ACRBP: variants seen among roughly 807,000 people sequenced by gnomAD.
ACRBP encodes acrosin-binding protein.
ACRBP carries 52 observed loss-of-function variants against 69.0 expected under a neutral mutation model. The observed-to-expected ratio is 0.75, with a 90% CI of 0.60 to 0.95. The LOEUF (loss-of-function observed/expected upper bound fraction) is 0.95, where lower values mean the gene tolerates loss of function less well. Among genes scored for constraint, ACRBP ranks in the 40% least tolerant of loss-of-function variants. ACRBP has a pLI of 0.00. For synonymous variants in ACRBP, 267 were observed against 258.9 expected, an observed-to-expected ratio of 1.03 and a Z score of -0.30; for missense variants, 604 against 673.0, an observed-to-expected ratio of 0.90 and a Z score of 1.13.
At chr12:6,645,810 G>A (rs1430472652) in intron 3 of ACRBP, among the ~76,000 whole-genome samples, 7 of 143,886 alleles carry the variant, frequency 4.9e-5, no homozygotes, top group Admixed American at 1.4e-4. Flanking sequence ...ACAGGCGCCT[G>A]CCACCACGCC....
At chr12:6,647,253 A>G in intron 1 of ACRBP, 71 bp downstream of exon 1, 5 of 1,496,020 alleles carry the variant, frequency 3.3e-6, no homozygotes, top group Non-Finnish European at 4.5e-6. Flanking sequence ...CAGAAACCGT[A>G]AAAGCAGAGC....
chr12:6,646,476 G>A lies in ACRBP; in HGVS notation c.357+7C>T, dbSNP rs1292157704. The A allele has an allele frequency of 1.9e-6, 3 of 1,613,374 alleles. No individual in the cohort carries two copies. The highest frequency in any genetic ancestry group is 2.7e-5 in the African/African-American group (2 of 74,866). On this transcript the variant is annotated splice_region_variant and intron_variant, in intron 3 of 9. Coordinates refer to ENST00000229243, the MANE Select transcript of ACRBP (RefSeq NM_032489.3). Reference sequence around the variant, plus strand: ...GCACCAAATCCAACCTTTGTCCTGGGCCTCACCTTGGCATAGTAGACGTGG... The same window carrying A: ...GCACCAAATCCAACCTTTGTCCTGGACCTCACCTTGGCATAGTAGACGTGG...
At chr12:6,643,708 G>C in intron 5 of ACRBP, 37 bp from the exon 6 acceptor site, 4 of 1,604,430 alleles carry the variant, frequency 2.5e-6, no homozygotes, top group South Asian at 1.1e-5. Context: ...GGCTGGGCCA[G>C]GTGGCCCGGG....
rs368916897 is a variant in ACRBP, at chr12:6,646,993, T to C, written c.63A>G (p.Ala21=). The change falls in exon 2 of 10, where the codon GCA becomes GCG. Residue 21 remains alanine (A), a synonymous_variant. Coordinates refer to ENST00000229243, the MANE Select transcript of ACRBP (RefSeq NM_032489.3). ...GAGTCGAATCCTGGGCTGCGGCAGG[T>C]GCCAGAGGCAGGAGCAGCACTGCGG... is the stretch of plus-strand genomic sequence containing the variant. ...SLLKVLLLPL[A]PAAAQDSTQA... is the part of the protein sequence containing the mutation. 2.5e-6 allele frequency: 4 copies of C among 1,610,236 alleles called. No homozygotes were observed. The highest frequency in any genetic ancestry group is 3.4e-6 in the Non-Finnish European group (4 of 1,179,808).
In ACRBP at chr12:6,640,447, A is replaced by C; in HGVS notation, c.1153T>G (p.Cys385Gly). ...CGCTGCAGGCTGGCCTCTGAGTGGC[A>C]CTGCTCCAGCTTCAAGGAGCAGAAG... Reference protein sequence around the residue: ...CDFCSLKLEQCHSEASLQRQQ... With the variant: ...CDFCSLKLEQGHSEASLQRQQ... The change falls in exon 7 of 10, where the codon TGC (cysteine) becomes GGC (glycine). Residue 385 changes from cysteine (C) to glycine (G), a missense_variant. Around this residue, in one of 3 missense-constraint regions of ACRBP, gnomAD observed 532 missense variants for 562.9 expected, o/e 0.95. Transcript: ENST00000229243. This position sits in a 1 kb window ranked among gnomAD's most constrained non-coding sequence, Gnocchi z 5.3. The C allele has an allele frequency of 6.2e-7, 1 of 1,614,116 alleles. No individual in the cohort carries two copies. The highest frequency in any genetic ancestry group is 8.5e-7 in the Non-Finnish European group (1 of 1,180,016).
At position 6,646,995 on chromosome 12, in the gene ACRBP, C is replaced by T; in HGVS notation, c.61G>A (p.Ala21Thr). ...GTCGAATCCTGGGCTGCGGCAGGTG[C>T]CAGAGGCAGGAGCAGCACTGCGGAG... Reference protein sequence around the residue: ...SLLKVLLLPLAPAAAQDSTQA... With the variant: ...SLLKVLLLPLTPAAAQDSTQA... The change falls in exon 2 of 10, where the codon GCA becomes ACA. Residue 21 changes from alanine (A) to threonine (T), a missense_variant. Transcript: ENST00000229243. The T allele has an allele frequency of 3.7e-6, 6 of 1,610,540 alleles. No homozygotes were observed. Among genetic ancestry groups the T allele is most frequent in the Non-Finnish European group, 5.1e-6 (6 of 1,179,908 alleles).
At position 6,638,609 on chromosome 12, in the gene ACRBP, G is replaced by A. The variant is rs148071765; in HGVS notation, c.1510-205C>T. 399 of 1,250,238 alleles carry A rather than the reference G, an allele frequency of 3.2e-4. 2 individuals are homozygous for A. The African/African-American group carries it at 5.0e-3, about 16-fold the overall frequency. The allele number at this position is 1,250,238 out of a possible 1,614,324, so 77.4% of individuals were successfully genotyped here. On this transcript the variant is annotated intron_variant, in intron 9 of 9. Coordinates refer to ENST00000229243, the MANE Select transcript of ACRBP (RefSeq NM_032489.3). ...CAACCCCTTTCATGCAGAAACAGGC[G>A]GCTGAGGCTCAGAGGGGGAAGTGCC...
intron 1 of ACRBP, 155 bp downstream of exon 1, chr12:6,647,169 C>A: frequency 8.9e-7 from 1 of 1,123,232 alleles, no homozygotes; most frequent in Non-Finnish European, 1.3e-6. Flanking sequence ...AAGGTCCGGC[C>A]GCGGGCGGGG....
intron 1 of ACRBP, 128 bp from the exon 2 acceptor site, chr12:6,647,140 G>T (rs1367614433): frequency 3.6e-6 from 4 of 1,099,970 alleles, no homozygotes; most frequent in East Asian, 5.2e-5. Flanking sequence ...AGGGCGGGGG[G>T]AGTCTAGAGA....
At chr12:6,638,786 C>G in intron 9 of ACRBP, 168 bp downstream of exon 9, 1 of 1,465,384 alleles carries the variant, frequency 6.8e-7, no homozygotes, top group Non-Finnish European at 9.0e-7. Flanking sequence ...TCCGCCAGGA[C>G]TGGAGGAATG....
chr12:6,639,931 A>T, intron 8 of ACRBP, 129 bp downstream of exon 8: 1 of 1,134,502 alleles, frequency 8.8e-7, no homozygotes, highest in Non-Finnish European at 1.2e-6. Context: ...CAGGAGATTC[A>T]GTGAGGACGG....
chr12:6,646,897 G>T lies in ACRBP; in HGVS notation c.159C>A (p.Thr53=). ...GACGGCAGGTAGTCTCTGCCTTCCA[G>T]GTTGGAGTCAGCAGTGCGAAGAAGC... ...YERFFALLTP[T]WKAETTCRLR... Residue 53 remains threonine (T), a synonymous_variant, in exon 2 of 10, where the codon ACC becomes ACA. Coordinates refer to ENST00000229243, the MANE Select transcript of ACRBP (RefSeq NM_032489.3). The T allele has an allele frequency of 6.2e-7, 1 of 1,614,214 alleles. No homozygotes were observed. The highest frequency in any genetic ancestry group is 1.1e-5 in the South Asian group (1 of 91,088).
rs2136253351 is a variant in ACRBP, at chr12:6,647,399, A to C, written c.-33T>G. ...GAAGATCCGCCCGCGTCCCGTGGAC[A>C]CAAGCCGCCTCTAACGGGCCAAGCC... On this transcript the variant is annotated 5_prime_UTR_variant, in exon 1 of 10. Coordinates refer to ENST00000229243, the MANE Select transcript of ACRBP (RefSeq NM_032489.3). The C allele has an allele frequency of 1.3e-6, 2 of 1,501,758 alleles. No individual in the cohort carries two copies. Among genetic ancestry groups the C allele is most frequent in the South Asian group, 1.3e-5 (1 of 79,038 alleles). The allele number at this position is 1,501,758 out of a possible 1,614,324, so 93.0% of individuals were successfully genotyped here.
intron 3 of ACRBP, among the ~76,000 whole-genome samples, chr12:6,646,168 C>T (rs1949087361): frequency 7.3e-6 from 1 of 137,034 alleles, no homozygotes; most frequent in Admixed American, 7.6e-5. Flanking sequence ...AACGGGGTTT[C>T]ACCATGTTGG....
At position 6,646,553 on chromosome 12, in the gene ACRBP, T is replaced by A. The variant is rs759082954; in HGVS notation, c.287A>T (p.Tyr96Phe). 3.1e-6 allele frequency: 5 copies of A among 1,613,682 alleles called. No individual in the cohort carries two copies. The South Asian group carries it at 5.5e-5, about 18-fold the overall frequency. ...PDGAVCSNLP[Y>F]ASWFESFCQF... ...GCAGAAAGACTCAAACCAGGAGGCA[T>A]AAGGGAGGTTGGAGCAGACAGCACC... Residue 96 changes from tyrosine (Y) to phenylalanine (F), a missense_variant, in exon 3 of 10, where the codon TAT (tyrosine) becomes TTT (phenylalanine). Transcript: ENST00000229243.
chr12:6,643,712 G>T, intron 5 of ACRBP, 41 bp from the exon 6 acceptor site: 1 of 1,603,216 alleles, frequency 6.2e-7, no homozygotes, highest in Non-Finnish European at 8.5e-7. Context: ...GGGCCAGGTG[G>T]CCCGGGCAGG....
At chr12:6,646,773 C>T in intron 2 of ACRBP, 21 bp downstream of exon 2, 2 of 1,612,428 alleles carry the variant, frequency 1.2e-6, no homozygotes, top group East Asian at 2.2e-5. Context: ...GCCTCGGTTT[C>T]CCCCCTAGTC....
At chr12:6,638,494 G>A (rs1592305295) in intron 9 of ACRBP, 90 bp from the exon 10 acceptor site, 11 of 1,564,096 alleles carry the variant, frequency 7.0e-6, no homozygotes, top group Middle Eastern at 1.7e-4. Flanking sequence ...CCAAAAGAAC[G>A]AGAGGTGGGC....
intron 6 of ACRBP, 74 bp downstream of exon 6, chr12:6,643,465 C>T (rs1243617824): frequency 3.2e-6 from 5 of 1,573,812 alleles, no homozygotes; most frequent in East Asian, 2.3e-5. Context: ...TCCTCCACTC[C>T]CATAGCCTAG....
Sources: allele counts gnomAD v4.1 joint callset (sites outside exome capture counted in the v4.1 genomes callset), GRCh38; gene constraint gnomAD v4.1.1; regional missense constraint gnomAD v4.1.1; non-coding constraint Gnocchi (gnomAD v3.1); transcripts MANE v1.5; gene names NCBI Gene and HGNC (gene_info 2026-07-23, HGNC 2026-07-21).